Variants in PDGFD observed in about 807,000 individuals in gnomAD.
PDGFD encodes the protein platelet-derived growth factor D.
In PDGFD, 30 loss-of-function variants were observed where a neutral mutation model predicts 44.7. The ratio of observed to expected loss-of-function variants is 0.67; its 90% confidence interval spans 0.50 to 0.91. The LOEUF (loss-of-function observed/expected upper bound fraction) is 0.91. Among genes scored for constraint, PDGFD ranks in the 40% least tolerant of loss-of-function variants. The probability of loss-of-function intolerance (pLI) is 0.00; values close to 1 mark genes in which losing one functional copy is unlikely to be tolerated. For synonymous variants in PDGFD, 173 were observed against 168.4 expected, an observed-to-expected ratio of 1.03 and a Z score of -0.21; for missense variants, 445 against 457.8, an observed-to-expected ratio of 0.97 and a Z score of 0.25.
intron 1 of PDGFD, among the ~76,000 whole-genome samples, chr11:104,008,517 T>G (rs1361661031): frequency 6.6e-6 from 1 of 152,176 alleles, no homozygotes; most frequent in African/African-American, 2.4e-5. Flanking sequence ...AGGCACATAA[T>G]TATCCACTTA....
intron 1 of PDGFD, among the ~76,000 whole-genome samples, chr11:104,102,268 G>A (rs1861396920): frequency 6.6e-6 from 1 of 152,110 alleles, no homozygotes; most frequent in Non-Finnish European, 1.5e-5. Context: ...GTGGGCAAAG[G>A]ATATGAACAG....
At chr11:104,082,679 T>C (rs1341947621) in intron 1 of PDGFD, among the ~76,000 whole-genome samples, 5 of 152,156 alleles carry the variant, frequency 3.3e-5, no homozygotes, top group Admixed American at 1.3e-4. Context: ...TTGCCCAGGC[T>C]GGAGTGCAGT....
intron 1 of PDGFD, among the ~76,000 whole-genome samples, chr11:104,102,400 A>G (rs1565335417): frequency 6.6e-6 from 1 of 152,168 alleles, no homozygotes; most frequent in Non-Finnish European, 1.5e-5. Flanking sequence ...ACCAGTTAGA[A>G]TGGCGATCAT....
chr11:104,037,397 T>G, intron 1 of PDGFD: 2 of 1,614,042 alleles, frequency 1.2e-6, no homozygotes, highest in Non-Finnish European at 1.7e-6. Context: ...GAAAAGGCCT[T>G]GAGAGAGCAA....
chr11:104,100,204 C>T (rs889431463), intron 1 of PDGFD, among the ~76,000 whole-genome samples: 2 of 152,058 alleles, frequency 1.3e-5, no homozygotes, highest in African/African-American at 2.4e-5. Flanking sequence ...CAGAGGCAGC[C>T]TACACACCTC....
intron 3 of PDGFD, among the ~76,000 whole-genome samples, chr11:103,967,352 G>T (rs1339963209): frequency 4.6e-5 from 7 of 152,112 alleles, no homozygotes; most frequent in African/African-American, 1.7e-4. Flanking sequence ...TCCTTGGTTT[G>T]CAGCCCTTTG....
rs923593140 is a variant in PDGFD, at chr11:103,909,893, CT to C, written c.988-75del. 281 of 1,574,070 alleles carry C rather than the reference CT, an allele frequency of 1.8e-4. 2 individuals carry two copies. The highest frequency in any genetic ancestry group is 1.1e-3 in the Admixed American group (63 of 59,308). ...CAGTCAGATGCCACCTACTTATTAC[CT>C]TTTTGACAACTAGTTCTTAGCCCTT... On this transcript the variant is annotated intron_variant, in intron 6 of 6. Transcript: ENST00000393158.
chr11:103,918,720 C>CTT (rs1858163511), intron 6 of PDGFD, among the ~76,000 whole-genome samples: 1 of 152,114 alleles, frequency 6.6e-6, no homozygotes, highest in Non-Finnish European at 1.5e-5. Context: ...ACTATTTGAA[C>CTT]AAAGTGGAAA....
intron 3 of PDGFD, among the ~76,000 whole-genome samples, chr11:103,970,177 T>C (rs967270824): frequency 6.6e-6 from 1 of 152,122 alleles, no homozygotes; most frequent in Non-Finnish European, 1.5e-5. Context: ...TTACATTAGA[T>C]ATACATCCTC....
At chr11:104,076,508 T>C (rs1457186702) in intron 1 of PDGFD, among the ~76,000 whole-genome samples, 1 of 152,226 alleles carries the variant, frequency 6.6e-6, no homozygotes, top group Non-Finnish European at 1.5e-5. Context: ...GTAATTTCAG[T>C]TCTAATTTAT....
At chr11:104,145,284 C>A (rs1313828786) in intron 1 of PDGFD, among the ~76,000 whole-genome samples, 1 of 152,126 alleles carries the variant, frequency 6.6e-6, no homozygotes, top group African/African-American at 2.4e-5. Context: ...TTGGTATAAA[C>A]CGAATGCTAT....
At chr11:104,112,299 T>G (rs530480489) in intron 1 of PDGFD, among the ~76,000 whole-genome samples, 1 of 152,284 alleles carries the variant, frequency 6.6e-6, no homozygotes, top group Admixed American at 6.5e-5. Context: ...TTGAGCTTTT[T>G]TTTTCATGCT....
intron 1 of PDGFD, among the ~76,000 whole-genome samples, chr11:104,014,218 G>C (rs1221385381): frequency 6.6e-6 from 1 of 152,138 alleles, no homozygotes; most frequent in Non-Finnish European, 1.5e-5. Flanking sequence ...CACAAGACCT[G>C]TACTGGTCTG....
intron 1 of PDGFD, among the ~76,000 whole-genome samples, chr11:104,064,503 T>C (rs1362397308): frequency 1.3e-5 from 2 of 152,184 alleles, no homozygotes; most frequent in Non-Finnish European, 2.9e-5. Context: ...GTGAACTCAG[T>C]ACATAGATGA....
intron 1 of PDGFD, among the ~76,000 whole-genome samples, chr11:104,090,552 C>A (rs1861197535): frequency 6.6e-6 from 1 of 151,082 alleles, no homozygotes; most frequent in African/African-American, 2.4e-5. Flanking sequence ...TCACTTGTAC[C>A]CAGGAGGTGG....
intron 5 of PDGFD, among the ~76,000 whole-genome samples, chr11:103,937,757 T>C (rs1459869148): frequency 1.5e-5 from 2 of 137,092 alleles, no homozygotes; most frequent in Non-Finnish European, 3.0e-5. Flanking sequence ...CCTGTGTCCA[T>C]GTGTTCTCAT....
At chr11:104,044,441 GA>G (rs981919040) in intron 1 of PDGFD, among the ~76,000 whole-genome samples, 12 of 151,680 alleles carry the variant, frequency 7.9e-5, no homozygotes, top group Non-Finnish European at 1.2e-4. Context: ...AGCCAACGTA[GA>G]AAAAAAGTGG....
rs940844202 is a variant in PDGFD at position 104,120,061 on chromosome 11, C to T, written c.124+43743G>A. On this transcript the variant is annotated intron_variant, in intron 1 of 6. Coordinates refer to ENST00000393158, the MANE Select transcript of PDGFD (RefSeq NM_025208.5). ...CTGAGAACTGGAACATATATATGTC[C>T]TATGATTTTTCAGACCATTTCTTTT... is the stretch of plus-strand genomic sequence containing the variant. Among the ~76,000 whole-genome samples the T allele has an allele frequency of 6.8e-5, 10 of 147,614 alleles. 1 individual carries two copies. In the Admixed American group the frequency reaches 6.9e-4, roughly 10 times the overall value.
intron 1 of PDGFD, among the ~76,000 whole-genome samples, chr11:104,035,628 C>T (rs939559116): frequency 1.0e-4 from 15 of 144,066 alleles, no homozygotes; most frequent in African/African-American, 3.7e-4. Flanking sequence ...ATTTAAACTC[C>T]GTAGATTCAC....
Sources: allele counts gnomAD v4.1 joint callset (sites outside exome capture counted in the v4.1 genomes callset), GRCh38; gene constraint gnomAD v4.1.1; transcripts MANE v1.5; gene names NCBI Gene and HGNC (gene_info 2026-07-23, HGNC 2026-07-21).